The following CEP83 variants were observed in gnomAD, a reference collection of about 807,000 sequenced individuals.
CEP83 encodes the protein centrosomal protein 83.
In CEP83, 70 loss-of-function variants were observed where a neutral mutation model predicts 101.9. That is an observed-to-expected ratio of 0.69 (90% CI 0.57 to 0.84). The LOEUF is 0.84. Ranked by LOEUF, CEP83 falls within the 40% of genes least tolerant of loss-of-function variation. CEP83 has a pLI of 0.00. For missense variants in CEP83, 715 were observed against 787.2 expected (o/e 0.91, Z 1.10); for synonymous variants, 264 against 267.9 (o/e 0.99, Z 0.14).
intron 2 of CEP83, among the ~76,000 whole-genome samples, chr12:94,431,836 GA>G (rs960796938): frequency 1.3e-5 from 2 of 152,144 alleles, no homozygotes; most frequent in Non-Finnish European, 2.9e-5. Flanking sequence ...CTGCTGGTAG[GA>G]ATGTAAATTA....
At chr12:94,283,950 G>A in the CEP83 span, among the ~76,000 whole-genome samples, 4 of 152,108 alleles carry the variant, frequency 2.6e-5, no homozygotes, top group African/African-American at 9.7e-5. Context: ...GGGCATGGTG[G>A]TGCACATCTG....
At chr12:94,416,888 T>C (rs1302839061) in intron 2 of CEP83, among the ~76,000 whole-genome samples, 1 of 151,644 alleles carries the variant, frequency 6.6e-6, no homozygotes, top group Non-Finnish European at 1.5e-5. Flanking sequence ...CCAACAGTAA[T>C]GAGGCTACCC....
At chr12:94,423,390 T>C (rs1239858440) in intron 2 of CEP83, among the ~76,000 whole-genome samples, 1 of 152,026 alleles carries the variant, frequency 6.6e-6, no homozygotes, top group African/African-American at 2.4e-5. Flanking sequence ...AGCCAACATA[T>C]TGAGAATTCT....
At chr12:94,379,800 C>A (rs547260621) in intron 6 of CEP83, among the ~76,000 whole-genome samples, 2 of 152,174 alleles carry the variant, frequency 1.3e-5, no homozygotes, top group East Asian at 3.9e-4. Flanking sequence ...CAGGGGCAAG[C>A]AATCAGGGTC....
chr12:94,329,127 T>C (rs1457945104), intron 14 of CEP83, among the ~76,000 whole-genome samples: 1 of 152,170 alleles, frequency 6.6e-6, no homozygotes, highest in African/African-American at 2.4e-5. Flanking sequence ...TCACAATCCA[T>C]AGATCACATT....
chr12:94,402,309 G>A (rs986183338), intron 5 of CEP83: 1 of 152,020 alleles, frequency 6.6e-6, no homozygotes, highest in Non-Finnish European at 1.5e-5. Context: ...ACAGGTAAAG[G>A]TTCCTCCTCT....
chr12:94,283,876 G>C, the CEP83 span, among the ~76,000 whole-genome samples: 1 of 152,152 alleles, frequency 6.6e-6, no homozygotes, highest in Non-Finnish European at 1.5e-5. Flanking sequence ...CTGAGGTCAG[G>C]AGTCCAACAC....
chr12:94,282,133 G>A, the CEP83 span: 422 of 173,538 alleles, frequency 2.4e-3, 1 homozygote, highest in African/African-American at 0.033. Context: ...AACAAACAAA[G>A]TAAAACAGAA....
At chr12:94,430,676 A>T (rs1397718936) in intron 2 of CEP83, among the ~76,000 whole-genome samples, 4 of 152,230 alleles carry the variant, frequency 2.6e-5, no homozygotes, top group Non-Finnish European at 5.9e-5. Flanking sequence ...GCAAAGAGAA[A>T]ATAAAATGCA....
chr12:94,446,321 G>C (rs1030491846), intron 1 of CEP83, among the ~76,000 whole-genome samples: 35 of 152,138 alleles, frequency 2.3e-4, no homozygotes, highest in African/African-American at 8.2e-4. Flanking sequence ...TATGCCATAG[G>C]AATTTAACTA....
At chr12:94,316,773 T>A (rs1970767976) in intron 14 of CEP83, among the ~76,000 whole-genome samples, 1 of 152,332 alleles carries the variant, frequency 6.6e-6, no homozygotes, top group South Asian at 2.1e-4. Context: ...TTTTTATGGC[T>A]ATATAGTATT....
the CEP83 span, among the ~76,000 whole-genome samples, chr12:94,288,558 A>T: frequency 2.1e-3 from 319 of 152,322 alleles, 2 homozygotes; most frequent in African/African-American, 7.5e-3. Context: ...GCATCCTGTA[A>T]GCCCTCCCCT....
chr12:94,362,586 G>A (rs375655001), intron 11 of CEP83, among the ~76,000 whole-genome samples: 17 of 151,976 alleles, frequency 1.1e-4, no homozygotes, highest in African/African-American at 3.4e-4. Context: ...ACAGTGAGCC[G>A]AGATCACACC....
intron 12 of CEP83, 39 bp from the exon 13 acceptor site, chr12:94,333,678 A>T (rs777025702): frequency 6.3e-7 from 1 of 1,593,806 alleles, no homozygotes; most frequent in Non-Finnish European, 8.6e-7. Flanking sequence ...AAGCCCACTA[A>T]ATAAATGCGG....
chr12:94,332,189 G>GTT (rs576860527), intron 13 of CEP83, among the ~76,000 whole-genome samples: 61 of 152,304 alleles, frequency 4.0e-4, no homozygotes, highest in African/African-American at 1.3e-3. Flanking sequence ...CAGATGTGAA[G>GTT]TATAATAACC....
At chr12:94,313,527 TAAAA>T (rs58864740) in intron 14 of CEP83, among the ~76,000 whole-genome samples, 2 of 95,718 alleles carry the variant, frequency 2.1e-5, no homozygotes, top group African/African-American at 4.1e-5. Context: ...AAGAACCCAT[TAAAA>T]AAAAAAAAAA....
rs185569349 is a variant in CEP83 at position 94,430,373 on chromosome 12, A to C, written c.-102+4902T>G. Reference sequence around the variant, plus strand: ...TACTGAAAAATAACATAAAGAAATCAGAAAAACAATTCCTAGAATATGAAT... The same window carrying C: ...TACTGAAAAATAACATAAAGAAATCCGAAAAACAATTCCTAGAATATGAAT... On this transcript the variant is annotated intron_variant, in intron 2 of 16. Coordinates refer to ENST00000397809, the MANE Select transcript of CEP83 (RefSeq NM_016122.3). Among the ~76,000 whole-genome samples, 17 of 152,272 alleles carry C rather than the reference A, an allele frequency of 1.1e-4. No individual in the cohort carries two copies. The East Asian group carries it at 3.1e-3, about 28-fold the overall frequency.
chr12:94,294,928 A>G, the CEP83 span, among the ~76,000 whole-genome samples: 1 of 152,212 alleles, frequency 6.6e-6, no homozygotes, highest in Admixed American at 6.5e-5. Context: ...GCGCTGAACA[A>G]ACAAGATAAT....
intron 6 of CEP83, among the ~76,000 whole-genome samples, chr12:94,388,577 C>T (rs1300499694): frequency 6.6e-6 from 1 of 151,746 alleles, no homozygotes; most frequent in Admixed American, 6.6e-5. Context: ...CACATGTAAC[C>T]CCTGAATCTA....
Sources: gnomAD v4.1 joint callset for allele counts (sites outside exome capture counted in the v4.1 genomes callset) on GRCh38, gnomAD v4.1.1 for gene constraint, MANE v1.5 for transcripts, NCBI Gene and HGNC (gene_info 2026-07-23, HGNC 2026-07-21) for gene names.